Variants in PCDHA13 observed in about 807,000 individuals in gnomAD.
The protein encoded by PCDHA13 is protocadherin alpha 13.
Under a neutral mutation model 64.8 loss-of-function variants are expected in PCDHA13, and 54 were observed. That is an observed-to-expected ratio of 0.83 (90% CI 0.67 to 1.04). The LOEUF is 1.04. Among genes scored for constraint, PCDHA13 ranks in the 50% least tolerant of loss-of-function variants. The pLI is 0.00. For synonymous variants in PCDHA13, 587 were observed against 564.4 expected (o/e 1.04, Z -0.57); for missense variants, 1,248 against 1,254.3 (o/e 0.99, Z 0.08).
chr5:140,906,316 A>G (rs191261196), intron 1 of PCDHA13, among the ~76,000 whole-genome samples: 377 of 152,344 alleles, frequency 2.5e-3, no homozygotes, highest in African/African-American at 8.6e-3. Flanking sequence ...TATTCCCAAC[A>G]TGATACAACT....
At chr5:140,954,135 T>C (rs1281133424) in intron 1 of PCDHA13, among the ~76,000 whole-genome samples, 1 of 152,220 alleles carries the variant, frequency 6.6e-6, no homozygotes, top group Non-Finnish European at 1.5e-5. Context: ...TATGGATGCA[T>C]AGTATTCCAT....
chr5:140,967,119 T>C lies in PCDHA13; in HGVS notation c.2395-11830T>C, dbSNP rs374670692. 97 of 1,612,790 alleles carry C rather than the reference T, an allele frequency of 6.0e-5. No homozygotes were observed. The highest frequency in any genetic ancestry group is 8.1e-5 in the Non-Finnish European group (95 of 1,179,410). The stretch of plus-strand genomic sequence containing the variant: ...CTGTGTGAGCAGCGGCCTCGCTGCC[T>C]GCTCAGCTTGGAAGTGCTGGCGCAC... On this transcript the variant is annotated intron_variant, in intron 1 of 3. Transcript: ENST00000289272.
intron 1 of PCDHA13, among the ~76,000 whole-genome samples, chr5:140,902,720 C>A (rs371638113): frequency 6.6e-6 from 1 of 152,050 alleles, no homozygotes; most frequent in African/African-American, 2.4e-5. Flanking sequence ...CCCCTCCCAC[C>A]CTTCCCTCCA....
rs1345534362 is a variant in PCDHA13, at chr5:140,884,318, G to A, written c.2050G>A (p.Ala684Thr). 6.2e-7 allele frequency: 1 copy of A among 1,613,692 alleles called. No homozygotes were observed. Among genetic ancestry groups the A allele is most frequent in the Non-Finnish European group, 8.5e-7 (1 of 1,179,872 alleles). The change falls in exon 1 of 4, where the codon GCA (alanine) becomes ACA (threonine). Residue 684 changes from alanine to threonine, a missense_variant. Transcript: ENST00000289272. ...GCCACAGGCTTCGTCGAGGGCGTCG[G>A]CAGGCGCTGTGGGTCCAGAAGCGGC... ...QAPQASSRAS[A>T]GAVGPEAALV...
intron 1 of PCDHA13, chr5:140,966,946 C>T: frequency 6.2e-7 from 1 of 1,603,486 alleles, no homozygotes; most frequent in Non-Finnish European, 8.5e-7. Flanking sequence ...TCGTGGGCAA[C>T]GTGGCTCGCG....
chr5:140,963,216 T>C (rs868943222), intron 1 of PCDHA13, among the ~76,000 whole-genome samples: 24 of 152,176 alleles, frequency 1.6e-4, no homozygotes, highest in Admixed American at 1.2e-3. Context: ...ACCTCGTGTT[T>C]AGAGTAGACA....
intron 1 of PCDHA13, among the ~76,000 whole-genome samples, chr5:140,955,262 C>CT (rs1165777806): frequency 1.3e-5 from 2 of 152,044 alleles, no homozygotes; most frequent in African/African-American, 2.4e-5. Flanking sequence ...TATAAAGGCT[C>CT]TTTTTTGGTT....
rs202032784 is a variant in PCDHA13, at chr5:140,927,180, C to T, written c.2394+42518C>T. On this transcript the variant is annotated intron_variant, in intron 1 of 3. Coordinates refer to ENST00000289272, the MANE Select transcript of PCDHA13 (RefSeq NM_018904.3). ...GGGCCAAAGCTGCCTGCGTCTTGAC[C>T]TACGACCTGGTGCTCGAGGACCCGC... is the stretch of plus-strand genomic sequence containing the variant. 5 of 1,614,048 alleles carry T rather than the reference C, an allele frequency of 3.1e-6. No homozygotes were observed. The South Asian group carries it at 3.3e-5, about 11-fold the overall frequency.
At chr5:140,926,053 C>T (rs768010675) in intron 1 of PCDHA13, among the ~76,000 whole-genome samples, 10 of 152,230 alleles carry the variant, frequency 6.6e-5, no homozygotes, top group Non-Finnish European at 1.5e-4. Context: ...CCCCAACCTT[C>T]TTCCCCTCCT....
Position 140,883,065 on chromosome 5 carries a change from C to T in PCDHA13, c.797C>T (p.Ala266Val). 6.2e-7 allele frequency: 1 copy of T among 1,614,056 alleles called. No individual in the cohort carries two copies. Among genetic ancestry groups the T allele is most frequent in the Non-Finnish European group, 8.5e-7 (1 of 1,180,028 alleles). ...FNGTLVIKLN[A>V]TDPDDGTNGD... ...GGAACATTAGTGATCAAGCTAAATG[C>T]CACAGATCCTGATGATGGTACAAAT... Residue 266 changes from alanine (A) to valine (V), a missense_variant, in exon 1 of 4, where the codon GCC (alanine) becomes GTC (valine). Physicochemically the swap from Ala to Val is moderately conservative, Grantham distance 64. Transcript: ENST00000289272.
rs782070226 is a variant in PCDHA13 at position 141,010,142 on chromosome 5, C to G, written c.*205C>G. 1 of 1,588,326 alleles carries G rather than the reference C, an allele frequency of 6.3e-7. No homozygotes were observed. Among genetic ancestry groups the G allele is most frequent in the South Asian group, 1.1e-5 (1 of 88,492 alleles). On this transcript the variant is annotated 3_prime_UTR_variant, in exon 4 of 4. Transcript: ENST00000289272. ...TTACTAAGTCTGGTGTTAACTCTTTCTCTCCACTCTGGCTTGTTTTCAGAA... is the reference window on the plus strand; with the variant it reads ...TTACTAAGTCTGGTGTTAACTCTTTGTCTCCACTCTGGCTTGTTTTCAGAA...
At chr5:140,978,896 G>T in intron 1 of PCDHA13, 53 bp from the exon 2 acceptor site, 1 of 1,612,808 alleles carries the variant, frequency 6.2e-7, no homozygotes, top group South Asian at 1.1e-5. Context: ...CAGCATTCCT[G>T]GGAGAACATT....
chr5:140,885,727 A>G (rs539866953), intron 1 of PCDHA13, among the ~76,000 whole-genome samples: 1 of 152,308 alleles, frequency 6.6e-6, no homozygotes, highest in South Asian at 2.1e-4. Context: ...TCTCTGTGAA[A>G]TGATATTTCA....
rs1320219732 is a variant in PCDHA13, at chr5:140,966,886, G to A, written c.2395-12063G>A. On this transcript the variant is annotated intron_variant, in intron 1 of 3. Coordinates refer to ENST00000289272, the MANE Select transcript of PCDHA13 (RefSeq NM_018904.3). Reference sequence around the variant, plus strand: ...TGCTGCTGCTGCTACCTGGCCCTGCGGCCTCCCAGCTGCGATACTCTGTGC... The same window carrying A: ...TGCTGCTGCTGCTACCTGGCCCTGCAGCCTCCCAGCTGCGATACTCTGTGC... The A allele has an allele frequency of 5.7e-6, 9 of 1,592,130 alleles. No individual in the cohort carries two copies. The Admixed American group carries it at 1.0e-4, about 18-fold the overall frequency.
chr5:140,969,129 C>G (rs576180714), intron 1 of PCDHA13: 4 of 1,614,144 alleles, frequency 2.5e-6, no homozygotes, highest in Admixed American at 1.7e-5. Context: ...GGCTCCCTCA[C>G]CAAGACCTAC....
chr5:140,926,767 C>T (rs1323702990), intron 1 of PCDHA13: 8 of 1,358,906 alleles, frequency 5.9e-6, no homozygotes, highest in Admixed American at 3.2e-5. Context: ...AGTATCCAGC[C>T]CGCAGCAGTG....
At position 140,884,023 on chromosome 5, in the gene PCDHA13, G is replaced by C. The variant is rs1554181067; in HGVS notation, c.1755G>C (p.Val585=). Reference sequence around the variant, plus strand: ...TGAGCGAGCTGATGCCGCGGTCGGTGGGTGCAGGCCACGTGGTGGCGAAGG... The same window carrying C: ...TGAGCGAGCTGATGCCGCGGTCGGTCGGTGCAGGCCACGTGGTGGCGAAGG... ...GTVSELMPRS[V]GAGHVVAKVR... The change falls in exon 1 of 4, where the codon GTG becomes GTC. Residue 585 remains valine, a synonymous_variant. Transcript: ENST00000289272. 2.5e-6 allele frequency: 4 copies of C among 1,613,202 alleles called. No homozygotes were observed. Among genetic ancestry groups the C allele is most frequent in the Non-Finnish European group, 3.4e-6 (4 of 1,179,646 alleles).
At chr5:140,905,446 A>G (rs1421760693) in intron 1 of PCDHA13, among the ~76,000 whole-genome samples, 2 of 152,180 alleles carry the variant, frequency 1.3e-5, no homozygotes, top group East Asian at 3.9e-4. Flanking sequence ...GCCTTTTAGT[A>G]TAATTTAAAG....
chr5:141,011,752 C>T lies in PCDHA13; in HGVS notation c.*1815C>T, dbSNP rs1051150394. On this transcript the variant is annotated 3_prime_UTR_variant, in exon 4 of 4. Transcript: ENST00000289272. ...CAAGCACAAATTTTACCAATCTGAC[C>T]TCTTTGAAGTTGCAGAATGCTTTGA... The T allele has an allele frequency of 6.5e-6, 1 of 153,662 alleles. No homozygotes were observed. The highest frequency in any genetic ancestry group is 6.5e-5 in the Admixed American group (1 of 15,272). The allele number at this position is 153,662 out of a possible 1,614,324, so 9.5% of individuals were successfully genotyped here. A position where few individuals can be genotyped will look rare whatever the true frequency, so the allele number is the denominator to read the frequency against.
Sources: allele counts gnomAD v4.1 joint callset (sites outside exome capture counted in the v4.1 genomes callset), GRCh38; gene constraint gnomAD v4.1.1; transcripts MANE v1.5; gene names NCBI Gene and HGNC (gene_info 2026-07-23, HGNC 2026-07-21).